Variants in PATJ observed in about 807,000 individuals in gnomAD.
PATJ encodes PATJ crumbs cell polarity complex component, also known as inaD-like protein.
PATJ carries 190 observed loss-of-function variants against 224.9 expected under a neutral mutation model. That is an observed-to-expected ratio of 0.84 (90% confidence interval 0.75 to 0.95). The LOEUF is 0.95. Among genes scored for constraint, PATJ ranks in the 40% least tolerant of loss-of-function variants. The pLI is 0.00. For synonymous variants in PATJ, 769 were observed against 820.3 expected, an observed-to-expected ratio of 0.94 and a Z score of 1.07; for missense variants, 2,121 against 2,270.3, an observed-to-expected ratio of 0.93 and a Z score of 1.34.
At chr1:61,926,615 A>G (rs141120179) in intron 26 of PATJ, among the ~76,000 whole-genome samples, 11 of 152,176 alleles carry the variant, frequency 7.2e-5, no homozygotes, top group South Asian at 2.1e-4. Flanking sequence ...GTATTCTCCT[A>G]TTGCCTAAGA....
intron 24 of PATJ, among the ~76,000 whole-genome samples, chr1:61,908,143 T>TA (rs1264414795): frequency 1.3e-5 from 2 of 152,244 alleles, no homozygotes; most frequent in African/African-American, 4.8e-5. Context: ...GGGATGTTTT[T>TA]ATTAATGTAT....
chr1:62,105,004 T>C (rs2148852036), intron 33 of PATJ, among the ~76,000 whole-genome samples: 1 of 152,142 alleles, frequency 6.6e-6, no homozygotes, highest in African/African-American at 2.4e-5. Context: ...CTAATAACTT[T>C]AAGAGGAATT....
chr1:61,944,211 G>A lies in PATJ; in HGVS notation c.3670+16382G>A, dbSNP rs183700012. 2.9e-3 allele frequency among the ~76,000 whole-genome samples: 434 copies of A among 152,278 alleles called. 1 individual carries two copies. Among genetic ancestry groups the A allele is most frequent in the African/African-American group, 0.01 (419 of 41,568 alleles). Reference sequence around the variant, plus strand: ...CCTCACCAGCAACGGAACAAAGCTGGACAGAGAATGACTTTGACGAATTGA... The same window carrying A: ...CCTCACCAGCAACGGAACAAAGCTGAACAGAGAATGACTTTGACGAATTGA... On this transcript the variant is annotated intron_variant, in intron 27 of 43. Coordinates refer to ENST00000642238, the MANE Select transcript of PATJ (RefSeq NM_001350145.3).
intron 39 of PATJ, among the ~76,000 whole-genome samples, chr1:62,125,776 T>C (rs550191692): frequency 6.7e-6 from 1 of 148,474 alleles, no homozygotes; most frequent in African/African-American, 2.6e-5. Context: ...AATTTCTTTC[T>C]TTTTTTTTCC....
intron 28 of PATJ, chr1:61,990,581 T>C (rs1268429801): frequency 2.4e-6 from 1 of 413,592 alleles, no homozygotes; most frequent in African/African-American, 2.1e-5. Context: ...ATTTTAGAAG[T>C]TCTTCAGTAA....
intron 17 of PATJ, among the ~76,000 whole-genome samples, chr1:61,851,340 T>C (rs1193267611): frequency 2.0e-5 from 3 of 152,142 alleles, no homozygotes; most frequent in Non-Finnish European, 4.4e-5. Flanking sequence ...AGTAAGGGAA[T>C]GCTTCTCATT....
intron 32 of PATJ, among the ~76,000 whole-genome samples, chr1:62,082,839 T>C (rs1659448937): frequency 6.6e-6 from 1 of 152,220 alleles, no homozygotes; most frequent in South Asian, 2.1e-4. Context: ...CCGCGAGCTA[T>C]AGTCCGCTGA....
At chr1:61,780,044 C>T (rs187064223) in intron 7 of PATJ, among the ~76,000 whole-genome samples, 324 of 152,314 alleles carry the variant, frequency 2.1e-3, no homozygotes, top group Non-Finnish European at 3.6e-3. Context: ...CCAAACACCT[C>T]CCACTGGGCC....
intron 3 of PATJ, among the ~76,000 whole-genome samples, chr1:61,763,622 A>C (rs774238671): frequency 6.6e-6 from 1 of 152,130 alleles, no homozygotes; most frequent in Non-Finnish European, 1.5e-5. Context: ...GAGAATTCTC[A>C]ACATCTTCAA....
At chr1:61,815,486 A>AG (rs1437029957) in intron 14 of PATJ, among the ~76,000 whole-genome samples, 6 of 152,014 alleles carry the variant, frequency 3.9e-5, no homozygotes, top group Non-Finnish European at 5.9e-5. Flanking sequence ...TAGAACAATT[A>AG]TGTTTCTATG....
chr1:61,757,440 A>T (rs1355268167), intron 1 of PATJ, among the ~76,000 whole-genome samples: 1 of 152,068 alleles, frequency 6.6e-6, no homozygotes, highest in Non-Finnish European at 1.5e-5. Context: ...GCTGGAGTGC[A>T]GTGGTGCTAT....
chr1:61,745,912 T>C (rs989054639), intron 1 of PATJ, among the ~76,000 whole-genome samples: 12 of 151,404 alleles, frequency 7.9e-5, no homozygotes, highest in Non-Finnish European at 1.5e-4. Flanking sequence ...CAATTATTTT[T>C]TTTTTTAAAA....
intron 3 of PATJ, among the ~76,000 whole-genome samples, chr1:61,763,880 A>G (rs945608813): frequency 1.3e-5 from 2 of 151,988 alleles, no homozygotes; most frequent in African/African-American, 2.4e-5. Flanking sequence ...CTGGTCTCAA[A>G]CTATTGGCCT....
chr1:61,991,396 G>T, intron 28 of PATJ: 1 of 571,576 alleles, frequency 1.7e-6, no homozygotes, highest in Non-Finnish European at 2.2e-6. Context: ...ACATTTAGGG[G>T]AGCTAAATCA....
chr1:62,055,588 T>A (rs531074514), intron 31 of PATJ, among the ~76,000 whole-genome samples: 1 of 152,352 alleles, frequency 6.6e-6, no homozygotes, highest in Admixed American at 6.5e-5. Context: ...CAGAGTGCGC[T>A]GTAGTCACTG....
chr1:62,010,037 C>T (rs1558034438), intron 28 of PATJ, among the ~76,000 whole-genome samples: 5 of 142,160 alleles, frequency 3.5e-5, no homozygotes, highest in Non-Finnish European at 7.5e-5. Flanking sequence ...GAGCCGAGAT[C>T]GTACCATTGC....
intron 28 of PATJ, among the ~76,000 whole-genome samples, chr1:61,997,582 A>G (rs1569836802): frequency 6.6e-6 from 1 of 152,274 alleles, no homozygotes; most frequent in East Asian, 1.9e-4. Context: ...GCCTGGCAGT[A>G]GGCTGTGTTT....
intron 7 of PATJ, among the ~76,000 whole-genome samples, chr1:61,781,607 G>A (rs938790861): frequency 6.6e-6 from 1 of 152,146 alleles, no homozygotes. Context: ...AAAGAGCATA[G>A]GATTATAGTG....
chr1:61,918,705 G>A (rs113150988), intron 26 of PATJ, among the ~76,000 whole-genome samples: 146 of 152,180 alleles, frequency 9.6e-4, no homozygotes, highest in African/African-American at 3.4e-3. Flanking sequence ...GCTCACTCCT[G>A]TAATCCCAGA....
Sources: allele counts gnomAD v4.1 joint callset (sites outside exome capture counted in the v4.1 genomes callset), GRCh38; gene constraint gnomAD v4.1.1; transcripts MANE v1.5; gene names NCBI Gene and HGNC (gene_info 2026-07-23, HGNC 2026-07-21).